The following CNTNAP2 variants were observed in gnomAD, a reference collection of about 807,000 sequenced individuals.
CNTNAP2 encodes contactin associated protein 2, also known as contactin-associated protein-like 2.
In CNTNAP2, 98 loss-of-function variants were observed where a neutral mutation model predicts 155.2. The ratio of observed to expected loss-of-function variants is 0.63; its 90% CI spans 0.54 to 0.75. The LOEUF is 0.75. CNTNAP2 is among the 30% of genes least tolerant of loss of function. The pLI, the probability that CNTNAP2 is intolerant of heterozygous loss-of-function variation, is 0.00. For missense variants in CNTNAP2, 1,727 were observed against 1,688.1 expected (o/e 1.02, Z -0.40); for synonymous variants, 651 against 631.2 (o/e 1.03, Z -0.47).
At chr7:147,726,989 G>A (rs1348331419) in intron 13 of CNTNAP2, among the ~76,000 whole-genome samples, 2 of 149,820 alleles carry the variant, frequency 1.3e-5, no homozygotes, top group Non-Finnish European at 3.0e-5. Context: ...AGTAATGCTA[G>A]TGTGTAGACA....
Position 147,278,745 on chromosome 7 carries a change from A to G in CNTNAP2, c.1349-21396A>G, listed in dbSNP as rs61571637. ...ATTGTCTCCATTATATAGCTATAAA[A>G]TTTTATGTCTATCATTAATCCCTTA... On this transcript the variant is annotated intron_variant, in intron 8 of 23. Transcript: ENST00000361727. Among the ~76,000 whole-genome samples the G allele has an allele frequency of 8.4e-3, 1,276 of 151,646 alleles. 23 individuals carry two copies. Among genetic ancestry groups the G allele is most frequent in the African/African-American group, 0.029 (1,189 of 41,506 alleles).
intron 1 of CNTNAP2, among the ~76,000 whole-genome samples, chr7:146,221,949 G>A (rs1799214420): frequency 6.6e-6 from 1 of 152,144 alleles, no homozygotes; most frequent in Non-Finnish European, 1.5e-5. Flanking sequence ...TCAGTGCCTA[G>A]CATGGTAGCA....
intron 13 of CNTNAP2, among the ~76,000 whole-genome samples, chr7:147,677,987 A>G (rs747972361): frequency 2.0e-5 from 3 of 151,564 alleles, no homozygotes; most frequent in Non-Finnish European, 4.4e-5. Context: ...TCAATATCAC[A>G]CACTCCTTTC....
chr7:146,947,389 TC>T (rs1797199254), intron 3 of CNTNAP2, among the ~76,000 whole-genome samples: 1 of 109,778 alleles, frequency 9.1e-6, no homozygotes, highest in Non-Finnish European at 1.9e-5. Flanking sequence ...TCTCTTTCTC[TC>T]TCTCTCTCTC....
intron 9 of CNTNAP2, among the ~76,000 whole-genome samples, chr7:147,313,581 A>G (rs9640238): frequency 0.47 from 66,456 of 141,238 alleles, 16,798 homozygotes; most frequent in East Asian, 0.72. Context: ...GTAGATATGC[A>G]GCGTTATTTC....
At chr7:147,103,215 A>T (rs562791412) in intron 4 of CNTNAP2, among the ~76,000 whole-genome samples, 24 of 152,288 alleles carry the variant, frequency 1.6e-4, no homozygotes, top group African/African-American at 5.8e-4. Flanking sequence ...AACAAAACTA[A>T]GTCTCAGAGG....
rs115940244 is a variant in CNTNAP2 at position 148,135,929 on chromosome 7, C to T, written c.2555-11562C>T. ...GGAGGGAGGAAACAAGGAAACCACA[C>T]TGGAAGGAGGAAGGAAGGAAACAAA... On this transcript the variant is annotated intron_variant, in intron 16 of 23. Coordinates refer to ENST00000361727, the MANE Select transcript of CNTNAP2 (RefSeq NM_014141.6). Among the ~76,000 whole-genome samples the T allele has an allele frequency of 6.8e-3, 742 of 109,092 alleles. 23 individuals are homozygous for T. The highest frequency in any genetic ancestry group is 0.027 in the African/African-American group (695 of 25,404). 71.6% of individuals were successfully genotyped at this position (109,092 alleles called of 152,430 possible).
chr7:148,337,847 T>TAA (rs1798146462), intron 21 of CNTNAP2, among the ~76,000 whole-genome samples: 1 of 152,258 alleles, frequency 6.6e-6, no homozygotes, highest in Non-Finnish European at 1.5e-5. Context: ...TTCCCTATTG[T>TAA]ACCTTCTTAG....
At chr7:147,089,570 A>G (rs957203409) in intron 4 of CNTNAP2, among the ~76,000 whole-genome samples, 7 of 152,166 alleles carry the variant, frequency 4.6e-5, no homozygotes, top group Admixed American at 4.6e-4. Context: ...AGTCTCATCA[A>G]CTTTAGTCAT....
intron 13 of CNTNAP2, among the ~76,000 whole-genome samples, chr7:147,764,232 G>A (rs1409084317): frequency 6.6e-6 from 1 of 152,154 alleles, no homozygotes; most frequent in African/African-American, 2.4e-5. Context: ...AGCCTCTACA[G>A]TGTAGAGTCC....
chr7:147,022,608 G>GTTT (rs71165062), intron 3 of CNTNAP2, among the ~76,000 whole-genome samples: 1 of 138,860 alleles, frequency 7.2e-6, no homozygotes, highest in Non-Finnish European at 1.6e-5. Context: ...CAAACACATG[G>GTTT]TTTTTTTTTT....
At chr7:147,273,955 T>C (rs1187871788) in intron 8 of CNTNAP2, among the ~76,000 whole-genome samples, 5 of 148,308 alleles carry the variant, frequency 3.4e-5, no homozygotes, top group Non-Finnish European at 7.4e-5. Context: ...TTATGTAATA[T>C]ATTACATAAC....
At chr7:146,976,915 A>G (rs1797922633) in intron 3 of CNTNAP2, among the ~76,000 whole-genome samples, 1 of 152,130 alleles carries the variant, frequency 6.6e-6, no homozygotes, top group Non-Finnish European at 1.5e-5. Flanking sequence ...ATGAACAACA[A>G]TCAGACAAGC....
intron 15 of CNTNAP2, among the ~76,000 whole-genome samples, chr7:148,061,932 G>GATAAACAGAT (rs774850982): frequency 7.3e-6 from 1 of 137,268 alleles, no homozygotes; most frequent in African/African-American, 3.0e-5. Context: ...TAGATAGATA[G>GATAAACAGAT]ATAGATAGAT....
chr7:148,386,221 T>G (rs1207039742), intron 22 of CNTNAP2, among the ~76,000 whole-genome samples: 1 of 152,166 alleles, frequency 6.6e-6, no homozygotes, highest in African/African-American at 2.4e-5. Flanking sequence ...ATTGTCATTA[T>G]ACCAATTACA....
intron 13 of CNTNAP2, among the ~76,000 whole-genome samples, chr7:147,731,436 C>T (rs1247266616): frequency 3.9e-5 from 6 of 151,942 alleles, no homozygotes; most frequent in African/African-American, 1.5e-4. Flanking sequence ...GAAGACAGCA[C>T]ATCTGTTTAT....
chr7:146,488,643 T>G (rs1320097906), intron 1 of CNTNAP2, among the ~76,000 whole-genome samples: 1 of 152,120 alleles, frequency 6.6e-6, no homozygotes, highest in Non-Finnish European at 1.5e-5. Flanking sequence ...TTTGTTTGTT[T>G]TTGAGACAGG....
intron 1 of CNTNAP2, among the ~76,000 whole-genome samples, chr7:146,417,263 T>C (rs1478808950): frequency 6.6e-6 from 1 of 152,198 alleles, no homozygotes; most frequent in Non-Finnish European, 1.5e-5. Context: ...TATGAGACTT[T>C]ATGTCAGTTT....
At chr7:146,647,071 C>T (rs908011890) in intron 1 of CNTNAP2, among the ~76,000 whole-genome samples, 1 of 152,168 alleles carries the variant, frequency 6.6e-6, no homozygotes, top group Non-Finnish European at 1.5e-5. Context: ...CTTGTCTCAT[C>T]GGAGGCTTGA....
Sources: gnomAD v4.1 joint callset for allele counts (sites outside exome capture counted in the v4.1 genomes callset) on GRCh38, gnomAD v4.1.1 for gene constraint, MANE v1.5 for transcripts, NCBI Gene and HGNC (gene_info 2026-07-23, HGNC 2026-07-21) for gene names.